Variants in TRIM39 observed in about 807,000 individuals in gnomAD.
TRIM39 encodes the protein tripartite motif containing 39, also known as E3 ubiquitin-protein ligase TRIM39.
In TRIM39, 5 loss-of-function variants were observed where a neutral mutation model predicts 53.6. The observed-to-expected ratio is 0.09, with a 90% CI of 0.05 to 0.20. The LOEUF is 0.20. TRIM39 is among the 10% of genes least tolerant of loss of function. The pLI is 1.00. For missense variants in TRIM39, 310 were observed against 621.0 expected, an observed-to-expected ratio of 0.50 and a Z score of 5.32; for synonymous variants, 196 against 237.6, an observed-to-expected ratio of 0.82 and a Z score of 1.61.
chr6:30,333,389 G>T (rs181789922), intron 4 of TRIM39, among the ~76,000 whole-genome samples: 1 of 120,428 alleles, frequency 8.3e-6, no homozygotes, highest in Non-Finnish European at 1.6e-5. Flanking sequence ...ACGGCGTCTC[G>T]CTCTGTCATC....
intron 5 of TRIM39, chr6:30,336,178 G>C: frequency 2.6e-6 from 2 of 783,378 alleles, no homozygotes; most frequent in Non-Finnish European, 4.4e-6. Flanking sequence ...TCTTATCTCT[G>C]GTCAGCAATT....
intron 7 of TRIM39, among the ~76,000 whole-genome samples, chr6:30,340,869 A>G (rs1323747935): frequency 4.6e-5 from 7 of 152,184 alleles, no homozygotes; most frequent in Admixed American, 3.9e-4. Flanking sequence ...TAATTTGCCA[A>G]AGTCATCGGG....
At position 30,337,518 on chromosome 6, in the gene TRIM39, G is replaced by A. The variant is rs575657453; in HGVS notation, c.780+1543G>A. On this transcript the variant is annotated intron_variant, in intron 5 of 7. Coordinates refer to ENST00000396551, the Ensembl canonical transcript of TRIM39. ...AAGGCCAGGAATTCAAGACCAGTCTGGGCAATATAGCAGGACCCCATCTCT... is the reference window on the plus strand; with the variant it reads ...AAGGCCAGGAATTCAAGACCAGTCTAGGCAATATAGCAGGACCCCATCTCT... Among the ~76,000 whole-genome samples the A allele has an allele frequency of 1.3e-3, 196 of 152,260 alleles. 3 individuals are homozygous for A. The highest frequency in any genetic ancestry group is 3.4e-3 in the Middle Eastern group (1 of 294).
chr6:30,328,693 TGGCCCAAGACACTTCTTCCAGTG>T (rs1164436899), intron 1 of TRIM39, among the ~76,000 whole-genome samples, 173 bp from the exon 2 acceptor site: 4 of 152,170 alleles, frequency 2.6e-5, no homozygotes, highest in Non-Finnish European at 4.4e-5. Flanking sequence ...ATTTTATGTC[TGGCCCAAGACACTTCTTCCAGTG>T]GGCCCAGGGA....
At chr6:30,336,158 A>G (rs1786834122) in intron 5 of TRIM39, 183 bp downstream of exon 5, 1 of 878,536 alleles carries the variant, frequency 1.1e-6, no homozygotes, top group Admixed American at 2.0e-5. Context: ...CCTTCTAACC[A>G]TTTTTGTGTT....
intron 4 of TRIM39, among the ~76,000 whole-genome samples, chr6:30,333,308 A>G (rs1296258882): frequency 4.0e-5 from 6 of 151,462 alleles, no homozygotes; most frequent in Admixed American, 3.3e-4. Context: ...TGTTTATACT[A>G]TATAAAATGG....
chr6:30,334,880 T>C (rs1170647169), intron 4 of TRIM39, among the ~76,000 whole-genome samples: 1 of 152,126 alleles, frequency 6.6e-6, no homozygotes, highest in East Asian at 1.9e-4. Flanking sequence ...CAGATGTGCA[T>C]TGCCATGCCC....
intron 4 of TRIM39, among the ~76,000 whole-genome samples, chr6:30,334,301 TG>T (rs1195941113): frequency 1.5e-4 from 12 of 81,428 alleles, no homozygotes; most frequent in South Asian, 6.6e-4. Context: ...ACATGATGCT[TG>T]GGGAATTCTT....
intron 7 of TRIM39, 171 bp from the exon 8 acceptor site, chr6:30,341,541 G>A: frequency 1.0e-6 from 1 of 1,003,618 alleles, no homozygotes; most frequent in Non-Finnish European, 1.5e-6. Context: ...GTGAGCCATT[G>A]CTTTCTCCCC....
chr6:30,338,991 G>C lies in TRIM39; in HGVS notation c.781-917G>C, dbSNP rs117515639. ...CATTGTACATTTATTTTTATGTTAC[G>C]TATTGCTTGGTATTTGTTCCTATGG... On this transcript the variant is annotated intron_variant, in intron 5 of 7. Coordinates refer to ENST00000396551, the Ensembl canonical transcript of TRIM39. This position sits in a 1 kb window ranked among gnomAD's most constrained non-coding sequence, Gnocchi z 4.0. 6.6e-6 allele frequency among the ~76,000 whole-genome samples: 1 copy of C among 151,988 alleles called. No individual in the cohort carries two copies.
In TRIM39 at chr6:30,342,361, C is replaced by A; in HGVS notation, c.*102C>A. 1 of 1,255,252 alleles carries A rather than the reference C, an allele frequency of 8.0e-7. No homozygotes were observed. The highest frequency in any genetic ancestry group is 2.1e-5 in the Admixed American group (1 of 48,444). The allele number at this position is 1,255,252 out of a possible 1,614,324, so 77.8% of individuals were successfully genotyped here. ...GTCTTCGTGTCCACCTGGGTCCAGTCCTGAATCATCTTGGAGAAACACCTT... is the reference window on the plus strand; with the variant it reads ...GTCTTCGTGTCCACCTGGGTCCAGTACTGAATCATCTTGGAGAAACACCTT... On this transcript the variant is annotated 3_prime_UTR_variant, in exon 8 of 8. Transcript: ENST00000396551. The surrounding 1 kb of genome is among the most constrained non-coding windows in gnomAD (Gnocchi z 4.7).
intron 4 of TRIM39, among the ~76,000 whole-genome samples, chr6:30,334,451 T>G (rs1476665556): frequency 6.6e-6 from 1 of 152,246 alleles, no homozygotes; most frequent in Non-Finnish European, 1.5e-5. Flanking sequence ...GTGTGCTGGC[T>G]TAAAGAAAGC....
Position 30,335,985 on chromosome 6 carries a change from T to C in TRIM39, c.780+10T>C. 1 of 1,612,940 alleles carries C rather than the reference T, an allele frequency of 6.2e-7. No homozygotes were observed. Among genetic ancestry groups the C allele is most frequent in the Non-Finnish European group, 8.5e-7 (1 of 1,179,992 alleles). ...CTTCGAGATGCTTAAGGTTCGACCT[T>C]TGCCCCTGCATAGCCCCTCAGGCTG... On this transcript the variant is annotated intron_variant, in intron 5 of 7. Transcript: ENST00000396551. The surrounding 1 kb of genome is among the most constrained non-coding windows in gnomAD (Gnocchi z 4.7).
chr6:30,335,803 G>A lies in TRIM39; in HGVS notation c.608G>A (p.Arg203Gln), dbSNP rs764875170. 1.1e-5 allele frequency: 17 copies of A among 1,612,834 alleles called. No homozygotes were observed. Among genetic ancestry groups the A allele is most frequent in the Admixed American group, 5.0e-5 (3 of 59,990 alleles). The change falls in exon 5 of 8, where the codon CGG (arginine) becomes CAG (glutamine). Residue 203 changes from arginine to glutamine, a missense_variant. Around this residue, in one of 5 missense-constraint regions of TRIM39, gnomAD observed 161 missense variants for 210.0 expected, o/e 0.77. Transcript: ENST00000396551. This position sits in a 1 kb window ranked among gnomAD's most constrained non-coding sequence, Gnocchi z 4.7. The stretch of plus-strand genomic sequence containing the variant: ...AGGGAGTTTGAAGAGCTTCATAGGC[G>A]GCTGGATGAAGAGCAGCAGGTGTTG...
At chr6:30,327,226 C>T (rs1785463151) in intron 1 of TRIM39, 1 of 152,688 alleles carries the variant, frequency 6.5e-6, no homozygotes, top group African/African-American at 2.4e-5. Context: ...CTCACCTCCC[C>T]GGGTGAAACT....
In TRIM39 at chr6:30,335,813, A is replaced by G. The variant is rs752461560; in HGVS notation, c.618A>G (p.Glu206=). The G allele has an allele frequency of 7.4e-6, 12 of 1,613,036 alleles. No homozygotes were observed. The East Asian group carries it at 2.5e-4, about 33-fold the overall frequency. ...AAGAGCTTCATAGGCGGCTGGATGA[A>G]GAGCAGCAGGTGTTGCTTTCACGAC... Residue 206 remains glutamate, a synonymous_variant, in exon 5 of 8, where the codon GAA becomes GAG. Coordinates refer to ENST00000396551, the Ensembl canonical transcript of TRIM39. This position sits in a 1 kb window ranked among gnomAD's most constrained non-coding sequence, Gnocchi z 4.7.
chr6:30,336,952 T>C (rs1048825241), intron 5 of TRIM39, among the ~76,000 whole-genome samples: 1 of 152,236 alleles, frequency 6.6e-6, no homozygotes, highest in Non-Finnish European at 1.5e-5. Flanking sequence ...TCTTGATCCA[T>C]GGGCTGCCGA....
chr6:30,337,633 A>G (rs1362069734), intron 5 of TRIM39, among the ~76,000 whole-genome samples: 1 of 152,206 alleles, frequency 6.6e-6, no homozygotes, highest in Non-Finnish European at 1.5e-5. Flanking sequence ...TTCCATTTCT[A>G]GAGCACAAGG....
Position 30,338,774 on chromosome 6 carries a change from G to A in TRIM39, c.781-1134G>A, listed in dbSNP as rs1012660947. Among the ~76,000 whole-genome samples the A allele has an allele frequency of 4.6e-5, 7 of 151,890 alleles. No individual in the cohort carries two copies. The highest frequency in any genetic ancestry group is 8.8e-5 in the Non-Finnish European group (6 of 68,002). The stretch of plus-strand genomic sequence containing the variant: ...CAATGTCAACAAAACACAATAAAGC[G>A]AGGTGCAATAAAATGAGGTATGCCT... On this transcript the variant is annotated intron_variant, in intron 5 of 7. Coordinates refer to ENST00000396551, the Ensembl canonical transcript of TRIM39. This position sits in a 1 kb window ranked among gnomAD's most constrained non-coding sequence, Gnocchi z 4.0.
Sources: allele counts gnomAD v4.1 joint callset (sites outside exome capture counted in the v4.1 genomes callset), GRCh38; gene constraint gnomAD v4.1.1; regional missense constraint gnomAD v4.1.1; non-coding constraint Gnocchi (gnomAD v3.1); transcripts MANE v1.5; gene names NCBI Gene and HGNC (gene_info 2026-07-23, HGNC 2026-07-21).